WWTR1: variants seen among roughly 807,000 people sequenced by gnomAD.
WWTR1 encodes the protein WW domain-containing transcription regulator protein 1.
Under a neutral mutation model 40.1 loss-of-function variants are expected in WWTR1, and 13 were observed. The ratio of observed to expected loss-of-function variants is 0.32; its 90% CI spans 0.21 to 0.52. WWTR1 has a LOEUF of 0.52. Among genes scored for constraint, WWTR1 ranks in the 20% least tolerant of loss-of-function variants. The pLI is 0.97. For synonymous variants in WWTR1, 230 were observed against 210.1 expected (o/e 1.09, Z -0.82); for missense variants, 436 against 523.1 (o/e 0.83, Z 1.63).
rs550693100 is a variant in WWTR1, at chr3:149,554,521, T to C, written c.569-11984A>G. On this transcript the variant is annotated intron_variant, in intron 3 of 6. Coordinates refer to ENST00000360632, the MANE Select transcript of WWTR1 (RefSeq NM_015472.6). Reference sequence around the variant, plus strand: ...CAACTCTCCTTTTTCAGGTGTAAAATAGAAATGCCTGTAACACTGGCTTTT... The same window carrying C: ...CAACTCTCCTTTTTCAGGTGTAAAACAGAAATGCCTGTAACACTGGCTTTT... 3.3e-4 allele frequency among the ~76,000 whole-genome samples: 51 copies of C among 152,246 alleles called. 1 individual carries two copies. In the South Asian group the frequency reaches 9.7e-3, roughly 29 times the overall value.
At position 149,568,523 on chromosome 3, in the gene WWTR1, C is replaced by CAAAAAA. The variant is rs34414853; in HGVS notation, c.568+4335_568+4340dup. 7.7e-4 allele frequency among the ~76,000 whole-genome samples: 50 copies of CAAAAAA among 64,814 alleles called. 8 individuals carry two copies. Among genetic ancestry groups the CAAAAAA allele is most frequent in the Non-Finnish European group, 1.2e-3 (37 of 31,612 alleles). 42.5% of individuals were successfully genotyped at this position (64,814 alleles called of 152,430 possible). ...GGAGATGGCTATTTGAATTAAAGTG[C>CAAAAAA]AAAAAAAAAAAAAAAAAAAAAAAAA... On this transcript the variant is annotated intron_variant, in intron 3 of 6. Transcript: ENST00000360632.
rs545109497 is a variant in WWTR1 at position 149,620,470 on chromosome 3, T to G, written c.431+36406A>C. 2.6e-5 allele frequency among the ~76,000 whole-genome samples: 4 copies of G among 152,096 alleles called. No homozygotes were observed. In the East Asian group the frequency reaches 5.8e-4, roughly 22 times the overall value. On this transcript the variant is annotated intron_variant, in intron 2 of 6. Transcript: ENST00000360632. The stretch of plus-strand genomic sequence containing the variant: ...AAGTCTTGATGAAGGAGAGAATTTG[T>G]GGGCAGTGCCTTCAAACTTAGTTCC...
chr3:149,695,335 A>G (rs552317230), intron 1 of WWTR1, among the ~76,000 whole-genome samples: 1 of 152,346 alleles, frequency 6.6e-6, no homozygotes, highest in East Asian at 1.9e-4. Flanking sequence ...CAGAGAAATG[A>G]TAAAAGCTTG....
chr3:149,686,929 C>T (rs900882531), intron 1 of WWTR1, among the ~76,000 whole-genome samples: 4 of 152,120 alleles, frequency 2.6e-5, no homozygotes, highest in African/African-American at 9.7e-5. Context: ...CTCTACAATG[C>T]CTTTCTTTGC....
At chr3:149,680,668 TAAA>T (rs35951677) in intron 1 of WWTR1, among the ~76,000 whole-genome samples, 1 of 146,636 alleles carries the variant, frequency 6.8e-6, no homozygotes, top group Non-Finnish European at 1.5e-5. Context: ...ACACCATTTC[TAAA>T]AAAAAAAAAA....
intron 4 of WWTR1, among the ~76,000 whole-genome samples, chr3:149,718,359 C>CATG (rs35820498): frequency 0.045 from 6,818 of 152,312 alleles, 246 homozygotes; most frequent in East Asian, 0.14. Context: ...CATTCAGCCA[C>CATG]ATGCCATGAG....
intron 3 of WWTR1, among the ~76,000 whole-genome samples, chr3:149,572,052 TTATCCCA>T (rs1242642747): frequency 1.2e-4 from 19 of 152,140 alleles, no homozygotes; most frequent in African/African-American, 4.3e-4. Flanking sequence ...GTGAGCCATA[TTATCCCA>T]CGGCAGGTAT....
chr3:149,526,783 A>G (rs987625669), intron 5 of WWTR1, among the ~76,000 whole-genome samples: 2 of 152,186 alleles, frequency 1.3e-5, no homozygotes, highest in African/African-American at 2.4e-5. Context: ...AATAATGTTC[A>G]TAATTGTATT....
intron 1 of WWTR1, among the ~76,000 whole-genome samples, chr3:149,686,746 T>C (rs1016890308): frequency 6.6e-6 from 1 of 152,146 alleles, no homozygotes; most frequent in South Asian, 2.1e-4. Flanking sequence ...AGATAAATAC[T>C]AAGCAGGCAC....
chr3:149,679,023 G>T (rs1207184718), intron 1 of WWTR1, among the ~76,000 whole-genome samples: 1 of 152,008 alleles, frequency 6.6e-6, no homozygotes, highest in African/African-American at 2.4e-5. Context: ...TAGAAACGGG[G>T]TTTCACCATG....
intron 2 of WWTR1, among the ~76,000 whole-genome samples, chr3:149,655,223 TC>T (rs1285196725): frequency 1.3e-5 from 2 of 151,794 alleles, no homozygotes; most frequent in Non-Finnish European, 2.9e-5. Context: ...GGCAGGCAGA[TC>T]ACTTGAGGTC....
chr3:149,586,316 A>T (rs1215057922), intron 2 of WWTR1, among the ~76,000 whole-genome samples: 4 of 152,066 alleles, frequency 2.6e-5, no homozygotes, highest in Non-Finnish European at 5.9e-5. Flanking sequence ...TTTCTAAATG[A>T]TCCCTCAGTG....
At chr3:149,556,034 G>T (rs1560058146) in intron 3 of WWTR1, among the ~76,000 whole-genome samples, 1 of 152,316 alleles carries the variant, frequency 6.6e-6, no homozygotes, top group Admixed American at 6.5e-5. Flanking sequence ...TGTGAGCTTG[G>T]AGTACTTGTG....
intron 3 of WWTR1, among the ~76,000 whole-genome samples, chr3:149,546,251 G>A (rs1261835051): frequency 6.6e-6 from 1 of 152,242 alleles, no homozygotes; most frequent in Non-Finnish European, 1.5e-5. Context: ...GAACTTAGAT[G>A]ATAGCTTTGT....
intron 2 of WWTR1, among the ~76,000 whole-genome samples, chr3:149,640,633 C>G (rs569684539): frequency 6.6e-6 from 1 of 152,144 alleles, no homozygotes; most frequent in South Asian, 2.1e-4. Context: ...GTTGGCCAGG[C>G]TGGTCTCAAA....
At chr3:149,691,131 A>G (rs939779809) in intron 1 of WWTR1, among the ~76,000 whole-genome samples, 1 of 152,004 alleles carries the variant, frequency 6.6e-6, no homozygotes, top group African/African-American at 2.4e-5. Context: ...AAAAATAAAA[A>G]CACAACATAC....
chr3:149,589,559 T>A (rs1475523549), intron 2 of WWTR1, among the ~76,000 whole-genome samples: 2 of 152,050 alleles, frequency 1.3e-5, no homozygotes, highest in Non-Finnish European at 2.9e-5. Context: ...CCCCGTGCAA[T>A]GAGTTAAACA....
intron 4 of WWTR1, among the ~76,000 whole-genome samples, chr3:149,530,161 C>A (rs1158072714): frequency 6.6e-6 from 1 of 152,052 alleles, no homozygotes; most frequent in African/African-American, 2.4e-5. Context: ...CCCTGGCTAA[C>A]AAGGTGAAAC....
intron 2 of WWTR1, among the ~76,000 whole-genome samples, chr3:149,652,620 CAAAAAAAAAAAAAAAAAAAAAAAAAAAA>C (rs758013561): frequency 0.02 from 395 of 20,216 alleles, 4 homozygotes; most frequent in South Asian, 0.051. Flanking sequence ...GACCCCATCT[CAAAAAAAAAAAAAAAAAAAAAAAAAAAA>C]AAAAAAAAAA....
Sources: gnomAD v4.1 joint callset for allele counts (sites outside exome capture counted in the v4.1 genomes callset) on GRCh38, gnomAD v4.1.1 for gene constraint, MANE v1.5 for transcripts, NCBI Gene and HGNC (gene_info 2026-07-23, HGNC 2026-07-21) for gene names.